ZPBP: variants seen among roughly 807,000 people sequenced by gnomAD.
ZPBP encodes the protein zona pellucida-binding protein 1.
In ZPBP, 26 loss-of-function variants were observed where a neutral mutation model predicts 44.8. The ratio of observed to expected loss-of-function variants is 0.58; its 90% CI spans 0.43 to 0.81. The LOEUF (loss-of-function observed/expected upper bound fraction) is 0.81, where lower values mean the gene tolerates loss of function less well. ZPBP is among the 30% of genes least tolerant of loss of function. The pLI, the probability that ZPBP is intolerant of heterozygous loss-of-function variation, is 0.00. For synonymous variants in ZPBP, 174 were observed against 153.2 expected, an observed-to-expected ratio of 1.14 and a Z score of -1.00; for missense variants, 409 against 434.0, an observed-to-expected ratio of 0.94 and a Z score of 0.51.
intron 5 of ZPBP, among the ~76,000 whole-genome samples, chr7:50,029,845 C>CTGTTGTTGTTGT (rs140686848): frequency 6.8e-6 from 1 of 147,240 alleles, no homozygotes; most frequent in South Asian, 2.1e-4. Context: ...GTTGTTGTTG[C>CTGTTGTTGTTGT]TGTTGTTGTT....
chr7:50,033,678 G>GTTTGTTTATTTA (rs143206693), intron 4 of ZPBP, among the ~76,000 whole-genome samples: 48,801 of 148,682 alleles, frequency 0.33, 8,343 homozygotes, highest in East Asian at 0.51. Context: ...TCTTTCTACA[G>GTTTGTTTATTTA]TTTATTTATT....
chr7:49,896,559 T>C (rs927221204), intron 2 of ZPBP, among the ~76,000 whole-genome samples: 2 of 151,774 alleles, frequency 1.3e-5, no homozygotes, highest in Non-Finnish European at 2.9e-5. Context: ...ATCAGTAAAA[T>C]TGAAAACAAA....
chr7:49,844,432 T>C, the ZPBP span, among the ~76,000 whole-genome samples: 1 of 152,208 alleles, frequency 6.6e-6, no homozygotes, highest in Non-Finnish European at 1.5e-5. Flanking sequence ...ACTATAGATA[T>C]GAAAGCTTCT....
At chr7:49,916,402 T>A (rs1188855594) in intron 1 of ZPBP, 1 of 152,168 alleles carries the variant, frequency 6.6e-6, no homozygotes, top group Non-Finnish European at 1.5e-5. Context: ...GCATGTTGAG[T>A]ATTAGCCATT....
intron 4 of ZPBP, among the ~76,000 whole-genome samples, chr7:50,045,943 A>G (rs897031766): frequency 6.6e-6 from 1 of 152,232 alleles, no homozygotes; most frequent in African/African-American, 2.4e-5. Context: ...TGGTACCAAA[A>G]CAGATATGTA....
rs532943797 is a variant in ZPBP, at chr7:50,051,920, G to A, written c.487+6069C>T. On this transcript the variant is annotated intron_variant, in intron 4 of 7. Coordinates refer to ENST00000046087, the MANE Select transcript of ZPBP (RefSeq NM_007009.3). ...CCACCATGGCACATGTTTATGTAACGAGCCTGCACATCCTGCATGTTACCC... is the reference window on the plus strand; with the variant it reads ...CCACCATGGCACATGTTTATGTAACAAGCCTGCACATCCTGCATGTTACCC... 8.6e-5 allele frequency among the ~76,000 whole-genome samples: 13 copies of A among 152,016 alleles called. No individual in the cohort carries two copies. In the South Asian group the frequency reaches 1.2e-3, roughly 15 times the overall value.
At chr7:49,871,648 T>C (rs1791150191) in intron 2 of ZPBP, among the ~76,000 whole-genome samples, 1 of 151,896 alleles carries the variant, frequency 6.6e-6, no homozygotes, top group Non-Finnish European at 1.5e-5. Flanking sequence ...GAGAATGGAA[T>C]GTCATGGAAA....
chr7:49,982,981 A>G (rs931487754), intron 7 of ZPBP, among the ~76,000 whole-genome samples: 1 of 152,046 alleles, frequency 6.6e-6, no homozygotes, highest in Non-Finnish European at 1.5e-5. Context: ...AGTCACAAAG[A>G]TATCTACTGT....
chr7:49,939,791 G>C (rs1276022910), intron 7 of ZPBP, among the ~76,000 whole-genome samples: 1 of 152,148 alleles, frequency 6.6e-6, no homozygotes, highest in East Asian at 1.9e-4. Context: ...AATTTGAAAA[G>C]AGAAGTAGGC....
chr7:49,870,582 T>A (rs1791107369), intron 2 of ZPBP, among the ~76,000 whole-genome samples: 1 of 152,214 alleles, frequency 6.6e-6, no homozygotes, highest in South Asian at 2.1e-4. Flanking sequence ...ATACAGGGCA[T>A]GTCTTACGAG....
At chr7:50,052,604 T>C (rs1173964268) in intron 4 of ZPBP, among the ~76,000 whole-genome samples, 1 of 152,198 alleles carries the variant, frequency 6.6e-6, no homozygotes, top group Non-Finnish European at 1.5e-5. Context: ...TTTAGGTATT[T>C]ACCCCACAGA....
At chr7:49,929,650 A>G (rs759499581) in intron 1 of ZPBP, among the ~76,000 whole-genome samples, 1 of 152,188 alleles carries the variant, frequency 6.6e-6, no homozygotes, top group Non-Finnish European at 1.5e-5. Flanking sequence ...TAGTTACTCT[A>G]TTCTTTCTCA....
At chr7:49,986,699 G>C (rs1269995487) in intron 6 of ZPBP, among the ~76,000 whole-genome samples, 2 of 151,808 alleles carry the variant, frequency 1.3e-5, no homozygotes, top group African/African-American at 4.8e-5. Context: ...TTTCCTTTTA[G>C]AAGACATTTT....
chr7:49,858,886 T>A (rs1790536121), intron 2 of ZPBP, among the ~76,000 whole-genome samples: 1 of 152,218 alleles, frequency 6.6e-6, no homozygotes, highest in Non-Finnish European at 1.5e-5. Flanking sequence ...GTTTCCTTAG[T>A]ATTCTCTTCC....
chr7:49,917,960 T>C (rs949343655), intron 1 of ZPBP: 1 of 152,150 alleles, frequency 6.6e-6, no homozygotes, highest in Non-Finnish European at 1.5e-5. Flanking sequence ...ATATAATTCT[T>C]ATAATGGAAA....
chr7:50,032,496 A>G (rs1369946971), intron 4 of ZPBP, among the ~76,000 whole-genome samples: 3 of 152,178 alleles, frequency 2.0e-5, no homozygotes, highest in Non-Finnish European at 2.9e-5. Flanking sequence ...GAAACACTGT[A>G]TCAAAAGTAT....
At chr7:49,925,094 CCT>C (rs757698422) in intron 1 of ZPBP, among the ~76,000 whole-genome samples, 18 of 152,198 alleles carry the variant, frequency 1.2e-4, no homozygotes, top group Non-Finnish European at 8.8e-5. Flanking sequence ...ACTCCTGACC[CCT>C]GTTTGGTAGT....
At position 49,870,651 on chromosome 7, in the gene ZPBP, G is replaced by T. The variant is rs141301954; in HGVS notation, n.510-20137C>A. On this transcript the variant is annotated intron_variant and non_coding_transcript_variant, in intron 2 of 2. Transcript: ENST00000465922. ...CTATAGCTCACATGTGCATCAGGAA[G>T]GCCGAAAAGGGCTCCCCTTCTGAAA... Among the ~76,000 whole-genome samples the T allele has an allele frequency of 8.2e-3, 1,251 of 152,298 alleles. 13 individuals carry two copies. The highest frequency in any genetic ancestry group is 9.5e-3 in the Non-Finnish European group (646 of 68,034).
intron 1 of ZPBP, chr7:49,912,264 T>C: frequency 6.9e-7 from 1 of 1,453,266 alleles, no homozygotes; most frequent in Non-Finnish European, 9.3e-7. Context: ...CTGGGAACTA[T>C]CAGTCAAAGA....
Sources: allele counts gnomAD v4.1 joint callset (sites outside exome capture counted in the v4.1 genomes callset), GRCh38; gene constraint gnomAD v4.1.1; transcripts MANE v1.5; gene names NCBI Gene and HGNC (gene_info 2026-07-23, HGNC 2026-07-21).